Variants in ACAN observed in about 807,000 individuals in gnomAD.
The protein encoded by ACAN is aggrecan core protein.
Under a neutral mutation model 169.1 loss-of-function variants are expected in ACAN, and 47 were observed. The observed-to-expected ratio is 0.28, with a 90% CI of 0.22 to 0.35. The LOEUF is 0.35. ACAN is among the 10% of genes least tolerant of loss of function. ACAN has a pLI of 1.00. For synonymous variants in ACAN, 1,115 were observed against 1,112.2 expected, an observed-to-expected ratio of 1.00 and a Z score of -0.05; for missense variants, 2,716 against 2,759.9, an observed-to-expected ratio of 0.98 and a Z score of 0.36.
At chr15:88,841,957 C>G (rs1054463077) in intron 5 of ACAN, 90 bp downstream of exon 5, 63 of 1,542,090 alleles carry the variant, frequency 4.1e-5, no homozygotes, top group Non-Finnish European at 5.3e-5. Context: ...TGAGATCACA[C>G]AGGCTGCCAG....
In ACAN at chr15:88,859,387, T is replaced by G. The variant is rs1005129901; in HGVS notation, c.6802T>G (p.Trp2268Gly). The G allele has an allele frequency of 3.2e-6, 5 of 1,566,562 alleles. No individual in the cohort carries two copies. The African/African-American group carries it at 4.1e-5, about 13-fold the overall frequency. Residue 2268 changes from tryptophan to glycine, a missense_variant, in exon 12 of 19, where the codon TGG (tryptophan) becomes GGG (glycine). Physicochemically the swap from Trp to Gly is radical, Grantham distance 184. This residue lies in a region of ACAN where 1,389 missense variants were observed against 1,363.7 expected (regional missense o/e 1.02). Transcript: ENST00000560601. ...TDASIPASPE[W>G]KRESESTAAA... ...TGCTTCCATCCCAGCTTCTCCGGAA[T>G]GGAAACGTGAATCAGAATCAACTGC...
At position 88,871,843 on chromosome 15, in the gene ACAN, G is replaced by A. The variant is rs997505916; in HGVS notation, c.7220-160G>A. Among the ~76,000 whole-genome samples, 15 of 152,176 alleles carry A rather than the reference G, an allele frequency of 9.9e-5. No individual in the cohort carries two copies. Among genetic ancestry groups the A allele is most frequent in the African/African-American group, 3.6e-4 (15 of 41,422 alleles). ...CCCGAAGTGCACTCCAGGCATGCAC[G>A]TGCTGAGCCTCTTGTGAGGACCTGA... On this transcript the variant is annotated intron_variant, in intron 15 of 18. Coordinates refer to ENST00000560601, the MANE Select transcript of ACAN (RefSeq NM_001369268.1). This position sits in a 1 kb window ranked among gnomAD's most constrained non-coding sequence, Gnocchi z 7.8.
chr15:88,854,906 G>C lies in ACAN; in HGVS notation c.2321G>C (p.Gly774Ala), dbSNP rs745756144. ...TGAATEESTE[G>A]PSATEVPSAS... ...GCAGCAACAGAGGAAAGTACAGAAG[G>C]CCCTTCTGCAACTGAAGTGCCCTCT... The change falls in exon 12 of 19, where the codon GGC (glycine) becomes GCC (alanine). Residue 774 changes from glycine (G) to alanine (A), a missense_variant. Physicochemically the swap from Gly to Ala is moderately conservative, Grantham distance 60. Coordinates refer to ENST00000560601, the MANE Select transcript of ACAN (RefSeq NM_001369268.1). 3 of 1,575,880 alleles carry C rather than the reference G, an allele frequency of 1.9e-6. No individual in the cohort carries two copies. The highest frequency in any genetic ancestry group is 4.5e-5 in the East Asian group (2 of 44,288).
At chr15:88,828,421 C>A in intron 1 of ACAN, among the ~76,000 whole-genome samples, 1 of 150,944 alleles carries the variant, frequency 6.6e-6, no homozygotes, top group Admixed American at 6.6e-5. Flanking sequence ...CTACCCGAGC[C>A]TTTTTTTTTG....
intron 1 of ACAN, among the ~76,000 whole-genome samples, chr15:88,804,825 G>T (rs564812375): frequency 1.3e-5 from 2 of 152,170 alleles, no homozygotes; most frequent in Non-Finnish European, 2.9e-5. Context: ...CCAGCATGTT[G>T]ACTGATGTGT....
rs745652554 is a variant in ACAN at position 88,874,003 on chromosome 15, C to G, written c.7609C>G (p.Pro2537Ala). 3 of 1,611,884 alleles carry G rather than the reference C, an allele frequency of 1.9e-6. No homozygotes were observed. Among genetic ancestry groups the G allele is most frequent in the Non-Finnish European group, 2.5e-6 (3 of 1,179,786 alleles). Residue 2537 changes from proline to alanine, a missense_variant, in exon 18 of 19, where the codon CCT (proline) becomes GCT (alanine). This residue lies in a region of ACAN where 1,389 missense variants were observed against 1,363.7 expected (regional missense o/e 1.02). Coordinates refer to ENST00000560601, the MANE Select transcript of ACAN (RefSeq NM_001369268.1). The surrounding 1 kb of genome is among the most constrained non-coding windows in gnomAD (Gnocchi z 7.3). ...RCQPSGHWEE[P>A]QITCTDPTTY... ...CCAGCCCAGCGGGCACTGGGAGGAG[C>G]CTCAGATCACCTGCACAGACCGTGA...
intron 13 of ACAN, among the ~76,000 whole-genome samples, chr15:88,862,217 T>C (rs1897208623): frequency 6.6e-6 from 1 of 152,180 alleles, no homozygotes; most frequent in African/African-American, 2.4e-5. Flanking sequence ...AGCCCAGCCT[T>C]CATTTTCCTC....
At chr15:88,821,443 T>C (rs992793187) in intron 1 of ACAN, among the ~76,000 whole-genome samples, 1 of 152,142 alleles carries the variant, frequency 6.6e-6, no homozygotes, top group African/African-American at 2.4e-5. Context: ...CTCCCAATAT[T>C]GTAGGATTTA....
intron 1 of ACAN, among the ~76,000 whole-genome samples, chr15:88,810,964 C>G (rs1895805845): frequency 6.6e-6 from 1 of 152,170 alleles, no homozygotes; most frequent in Non-Finnish European, 1.5e-5. Flanking sequence ...TCTTCCTTCC[C>G]CAAGGGCAGG....
At position 88,851,994 on chromosome 15, in the gene ACAN, G is replaced by A. The variant is rs751115587; in HGVS notation, c.2227G>A (p.Glu743Lys). 1.2e-6 allele frequency: 2 copies of A among 1,610,424 alleles called. No individual in the cohort carries two copies. Among genetic ancestry groups the A allele is most frequent in the South Asian group, 2.2e-5 (2 of 90,368 alleles). Reference protein sequence around the residue: ...TTEPENQTEWEPAYTPVGTSP... With the variant: ...TTEPENQTEWKPAYTPVGTSP... ...CGAGCCAGAAAACCAGACAGAATGG[G>A]AACCAGCCTATACCCCAGTGGGCAC... is the stretch of plus-strand genomic sequence containing the variant. The change falls in exon 11 of 19, where the codon GAA (glutamate) becomes AAA (lysine). Residue 743 changes from glutamate to lysine, a missense_variant. This residue lies in a region of ACAN where 1,283 missense variants were observed against 1,281.5 expected (regional missense o/e 1.00). Transcript: ENST00000560601. The surrounding 1 kb of genome is among the most constrained non-coding windows in gnomAD (Gnocchi z 4.3).
chr15:88,826,113 G>C (rs1051473827), intron 1 of ACAN, among the ~76,000 whole-genome samples: 1 of 152,184 alleles, frequency 6.6e-6, no homozygotes, highest in Non-Finnish European at 1.5e-5. Flanking sequence ...GGTAGGATGG[G>C]ACTTTAGAAA....
rs1174646036 is a variant in ACAN at position 88,839,367 on chromosome 15, G to T, written c.454+321G>T. 1.3e-5 allele frequency among the ~76,000 whole-genome samples: 2 copies of T among 152,182 alleles called. No homozygotes were observed. The highest frequency in any genetic ancestry group is 2.4e-5 in the African/African-American group (1 of 41,442). On this transcript the variant is annotated intron_variant, in intron 3 of 18. Transcript: ENST00000560601. This position sits in a 1 kb window ranked among gnomAD's most constrained non-coding sequence, Gnocchi z 4.5. Reference sequence around the variant, plus strand: ...ACTGAGGGCAAGTGACTTGCCTGAGGTTACCCTGGAAATGAGTCAGAGCAG... The same window carrying T: ...ACTGAGGGCAAGTGACTTGCCTGAGTTTACCCTGGAAATGAGTCAGAGCAG...
chr15:88,869,124 C>T lies in ACAN; in HGVS notation c.7060+795C>T, dbSNP rs546650235. 1.3e-5 allele frequency among the ~76,000 whole-genome samples: 2 copies of T among 152,330 alleles called. No homozygotes were observed. Among genetic ancestry groups the T allele is most frequent in the East Asian group, 3.9e-4 (2 of 5,182 alleles). On this transcript the variant is annotated intron_variant, in intron 14 of 18. Coordinates refer to ENST00000560601, the MANE Select transcript of ACAN (RefSeq NM_001369268.1). The surrounding 1 kb of genome is among the most constrained non-coding windows in gnomAD (Gnocchi z 4.2). ...GGACAGACTGAACCCTCAGCTCTCT[C>T]ACCTTTGGTGCTTCCTAGTCTCCCC...
At chr15:88,815,076 C>T (rs8026393) in intron 1 of ACAN, among the ~76,000 whole-genome samples, 1,850 of 151,814 alleles carry the variant, frequency 0.012, 40 homozygotes, top group African/African-American at 0.042. Context: ...GACAGAAATC[C>T]GGAAAAAACA....
At chr15:88,827,382 T>C (rs1483112318) in intron 1 of ACAN, among the ~76,000 whole-genome samples, 1 of 152,242 alleles carries the variant, frequency 6.6e-6, no homozygotes. Flanking sequence ...GCAGAACAAA[T>C]GACCATTCAC....
Position 88,857,845 on chromosome 15 carries a change from G to A in ACAN, c.5260G>A (p.Glu1754Lys), listed in dbSNP as rs1454159116. The change falls in exon 12 of 19, where the codon GAG becomes AAG. Residue 1754 changes from glutamate (E) to lysine (K), a missense_variant. Glu to Lys is a moderately conservative substitution (Grantham distance 56, BLOSUM62 1). Around this residue, in one of 3 missense-constraint regions of ACAN, gnomAD observed 1,389 missense variants for 1,363.7 expected, o/e 1.02. Transcript: ENST00000560601. ...DTSGETSGVT[E>K]LSGLSSGQPG... ...TAGTGGGGAAACATCTGGAGTGACT[G>A]AGCTTAGCGGGCTGTCCTCTGGACA... The A allele has an allele frequency of 1.9e-6, 3 of 1,613,822 alleles. No homozygotes were observed. The highest frequency in any genetic ancestry group is 1.7e-5 in the Admixed American group (1 of 60,022).
chr15:88,815,346 G>A (rs1210543522), intron 1 of ACAN, among the ~76,000 whole-genome samples: 1 of 152,020 alleles, frequency 6.6e-6, no homozygotes, highest in Non-Finnish European at 1.5e-5. Flanking sequence ...ATCACTTGAG[G>A]TCAGGAGTTT....
Position 88,843,603 on chromosome 15 carries a change from G to T in ACAN, c.1006G>T (p.Gly336Cys), listed in dbSNP as rs1243539781. 6.3e-7 allele frequency: 1 copy of T among 1,598,908 alleles called. No individual in the cohort carries two copies. The highest frequency in any genetic ancestry group is 1.1e-5 in the South Asian group (1 of 90,626). ...RTVYVHANQT[G>C]YPDPSSRYDA... is the part of the protein sequence containing the mutation. The stretch of plus-strand genomic sequence containing the variant: ...CGTCTACGTGCATGCCAACCAGACG[G>T]GCTACCCCGACCCCTCATCCCGCTA... The change falls in exon 6 of 19, where the codon GGC becomes TGC. Residue 336 changes from glycine (G) to cysteine (C), a missense_variant. Gly to Cys is a radical substitution (Grantham distance 159, BLOSUM62 -3). This residue lies in a region of ACAN where 1,283 missense variants were observed against 1,281.5 expected (regional missense o/e 1.00). Coordinates refer to ENST00000560601, the MANE Select transcript of ACAN (RefSeq NM_001369268.1). This position sits in a 1 kb window ranked among gnomAD's most constrained non-coding sequence, Gnocchi z 4.0.
At chr15:88,864,839 G>A (rs181084305) in intron 13 of ACAN, among the ~76,000 whole-genome samples, 1 of 152,340 alleles carries the variant, frequency 6.6e-6, no homozygotes, top group African/African-American at 2.4e-5. Context: ...GCACTGAACA[G>A]CTTGAGGAGT....
Sources: gnomAD v4.1 joint callset for allele counts (sites outside exome capture counted in the v4.1 genomes callset) on GRCh38, gnomAD v4.1.1 for gene constraint, gnomAD v4.1.1 regional missense constraint, Gnocchi (gnomAD v3.1) non-coding constraint, MANE v1.5 for transcripts, NCBI Gene and HGNC (gene_info 2026-07-23, HGNC 2026-07-21) for gene names.